C1orf87: variants seen among roughly 807,000 people sequenced by gnomAD.
C1orf87 encodes uncharacterized protein C1orf87.
Under a neutral mutation model 60.5 loss-of-function variants are expected in C1orf87, and 58 were observed. That is an observed-to-expected ratio of 0.96 (90% CI 0.78 to 1.19). C1orf87 has a LOEUF of 1.19. Among genes scored for constraint, C1orf87 ranks in the 50% most tolerant of loss-of-function variants. The pLI is 0.00. For missense variants in C1orf87, 673 were observed against 638.6 expected (o/e 1.05, Z -0.58); for synonymous variants, 236 against 227.4 (o/e 1.04, Z -0.34).
chr1:60,025,262 C>A (rs1389659330), intron 8 of C1orf87, 139 bp downstream of exon 8: 2 of 607,616 alleles, frequency 3.3e-6, no homozygotes, highest in African/African-American at 1.9e-5. Flanking sequence ...GGGGTTTCAC[C>A]TTTATGACAT....
rs1466530480 is a variant in C1orf87 at position 59,990,582 on chromosome 1, C to G, written c.*91G>C. On this transcript the variant is annotated 3_prime_UTR_variant, in exon 12 of 12. Coordinates refer to ENST00000371201, the MANE Select transcript of C1orf87 (RefSeq NM_152377.3). ...GCATCGGCCTCCACTCTGACAATGC[C>G]TCCGCCACTACACTTAGGCTGGGGA... 11 of 1,478,344 alleles carry G rather than the reference C, an allele frequency of 7.4e-6. No homozygotes were observed. The Admixed American group carries it at 2.0e-4, about 27-fold the overall frequency. 91.6% of individuals were successfully genotyped at this position (1,478,344 alleles called of 1,614,324 possible). A position where few individuals can be genotyped will look rare whatever the true frequency, so the allele number is the denominator to read the frequency against.
chr1:60,055,483 C>T, intron 2 of C1orf87, 45 bp from the exon 3 acceptor site: 1 of 1,524,988 alleles, frequency 6.6e-7, no homozygotes, highest in African/African-American at 1.4e-5. Context: ...AGGCAGACTC[C>T]TCATACACTA....
At chr1:59,996,777 T>C (rs1201881288) in intron 11 of C1orf87, among the ~76,000 whole-genome samples, 1 of 152,188 alleles carries the variant, frequency 6.6e-6, no homozygotes, top group African/African-American at 2.4e-5. Flanking sequence ...GAGCATACTC[T>C]AACAACATTT....
chr1:60,072,559 A>T lies in C1orf87; in HGVS notation c.85T>A (p.Tyr29Asn), dbSNP rs745802397. The T allele has an allele frequency of 5.6e-6, 9 of 1,612,364 alleles. No individual in the cohort carries two copies. Among genetic ancestry groups the T allele is most frequent in the Non-Finnish European group, 7.6e-6 (9 of 1,179,580 alleles). The change falls in exon 2 of 12, where the codon TAC (tyrosine) becomes AAC (asparagine). Residue 29 changes from tyrosine to asparagine, a missense_variant. Tyr to Asn is a moderately radical substitution (Grantham distance 143). Coordinates refer to ENST00000371201, the MANE Select transcript of C1orf87 (RefSeq NM_152377.3). ...VKIIGSKHFQ[Y>N]LVEKPKIKEN... is the part of the protein sequence containing the mutation. Reference sequence around the variant, plus strand: ...TACATCTTTGGCTTCTCCACGAGGTATTGAAAGTGTTTACTTCCAATGATT... The same window carrying T: ...TACATCTTTGGCTTCTCCACGAGGTTTTGAAAGTGTTTACTTCCAATGATT...
At chr1:60,019,247 G>A (rs150491315) in intron 8 of C1orf87, among the ~76,000 whole-genome samples, 19 of 152,206 alleles carry the variant, frequency 1.2e-4, no homozygotes, top group East Asian at 9.7e-4. Flanking sequence ...AGTGTGGCAC[G>A]TCCCCCTCAC....
At chr1:60,026,107 C>T (rs556422842) in intron 7 of C1orf87, among the ~76,000 whole-genome samples, 2 of 152,226 alleles carry the variant, frequency 1.3e-5, no homozygotes, top group South Asian at 2.1e-4. Flanking sequence ...TGAACTAGTA[C>T]AAACCAGTTC....
At chr1:59,999,560 C>T (rs753362537) in intron 10 of C1orf87, among the ~76,000 whole-genome samples, 2 of 151,968 alleles carry the variant, frequency 1.3e-5, no homozygotes, top group African/African-American at 4.8e-5. Flanking sequence ...TCTCTTTGAC[C>T]ACTGAAGACA....
rs370981893 is a variant in C1orf87, at chr1:59,992,319, G to A, written c.1481-1486C>T. On this transcript the variant is annotated intron_variant, in intron 11 of 11. Coordinates refer to ENST00000371201, the MANE Select transcript of C1orf87 (RefSeq NM_152377.3). ...TGCCTAGGCTGGAGTACAGAGGCAC[G>A]ATCATGGCTCACTGTAGCCTTGATC... Among the ~76,000 whole-genome samples the A allele has an allele frequency of 7.2e-5, 11 of 151,940 alleles. No homozygotes were observed. In the East Asian group the frequency reaches 2.1e-3, roughly 29 times the overall value.
chr1:60,033,754 A>C (rs1645256149), intron 6 of C1orf87, 113 bp from the exon 7 acceptor site: 2 of 1,213,996 alleles, frequency 1.6e-6, no homozygotes, highest in South Asian at 3.2e-5. Context: ...CAGAGAGCCC[A>C]TCTACGTAGG....
Position 60,038,075 on chromosome 1 carries a change from G to C in C1orf87, c.780C>G (p.Asn260Lys), listed in dbSNP as rs756840173. ...GCTGTGGATAATCTGATGCTGCACT[G>C]TTTAAAAACCAGAGTAGCTTTTCAT... ...VNYEKLLWFLNSAASDYPQQN... is the reference protein window; with the variant it reads ...VNYEKLLWFLKSAASDYPQQN... Residue 260 changes from asparagine (N) to lysine (K), a missense_variant, in exon 6 of 12, where the codon AAC (asparagine) becomes AAG (lysine). By Grantham distance (94) the Asn-to-Lys change is moderately conservative (BLOSUM62 0). Transcript: ENST00000371201. 6.9e-6 allele frequency: 11 copies of C among 1,583,010 alleles called. No homozygotes were observed. The highest frequency in any genetic ancestry group is 9.5e-6 in the Non-Finnish European group (11 of 1,157,502).
chr1:60,041,830 G>T (rs1169426540), intron 3 of C1orf87, among the ~76,000 whole-genome samples: 2 of 152,128 alleles, frequency 1.3e-5, no homozygotes, highest in East Asian at 3.9e-4. Flanking sequence ...CAAACCCCCA[G>T]ATACCTCCTT....
Position 60,040,147 on chromosome 1 carries a change from C to A in C1orf87, c.517G>T (p.Glu173Ter). 6.2e-7 allele frequency: 1 copy of A among 1,613,874 alleles called. No homozygotes were observed. The highest frequency in any genetic ancestry group is 1.3e-5 in the African/African-American group (1 of 74,968). ...IGQSPSGTTN[E>*]DAFLLALVRR... ...ACCAGGGCAAGAAGAAAAGCGTCTTCATTTGTTGTCCCACTTGGGCTCTGG... is the reference window on the plus strand; with the variant it reads ...ACCAGGGCAAGAAGAAAAGCGTCTTAATTTGTTGTCCCACTTGGGCTCTGG... The change falls in exon 5 of 12, where the codon GAA (glutamate) becomes TAA (stop). Residue 173 changes from glutamate (E) to a stop codon, truncating the protein, a stop_gained. Coordinates refer to ENST00000371201, the MANE Select transcript of C1orf87 (RefSeq NM_152377.3). LOFTEE classifies it high-confidence loss of function.
intron 8 of C1orf87, among the ~76,000 whole-genome samples, chr1:60,021,612 A>T (rs139623908): frequency 4.6e-4 from 70 of 152,326 alleles, no homozygotes; most frequent in African/African-American, 1.5e-3. Flanking sequence ...ATAAATATTT[A>T]TTGAGAACCT....
chr1:60,048,090 A>T (rs987372149), intron 3 of C1orf87, among the ~76,000 whole-genome samples: 1 of 152,180 alleles, frequency 6.6e-6, no homozygotes, highest in African/African-American at 2.4e-5. Flanking sequence ...CTATGTGACC[A>T]GTGGAATACT....
At chr1:60,058,087 A>G (rs1053865691) in intron 2 of C1orf87, among the ~76,000 whole-genome samples, 1 of 152,228 alleles carries the variant, frequency 6.6e-6, no homozygotes, top group Non-Finnish European at 1.5e-5. Context: ...GAGAGAAGAC[A>G]TATATGTTCC....
chr1:60,046,446 T>C (rs1423175213), intron 3 of C1orf87, among the ~76,000 whole-genome samples: 10 of 138,280 alleles, frequency 7.2e-5, no homozygotes, highest in South Asian at 2.3e-4. Flanking sequence ...TCTTCTTCTT[T>C]TTTTTTTTTT....
At chr1:60,061,264 G>T (rs1459819647) in intron 2 of C1orf87, among the ~76,000 whole-genome samples, 1 of 152,018 alleles carries the variant, frequency 6.6e-6, no homozygotes, top group Non-Finnish European at 1.5e-5. Flanking sequence ...GAAACTAAAG[G>T]TGGCCAAATA....
chr1:60,064,089 T>A (rs1211597614), intron 2 of C1orf87, among the ~76,000 whole-genome samples: 3 of 151,632 alleles, frequency 2.0e-5, no homozygotes, highest in Non-Finnish European at 4.4e-5. Context: ...CCAGCCTACA[T>A]CTTTCTCCTG....
chr1:60,033,394 A>C, intron 7 of C1orf87, 82 bp downstream of exon 7: 1 of 1,295,080 alleles, frequency 7.7e-7, no homozygotes, highest in Non-Finnish European at 1.1e-6. Flanking sequence ...AATATGGATC[A>C]GCCCTGTGCC....
Sources: allele counts gnomAD v4.1 joint callset (sites outside exome capture counted in the v4.1 genomes callset), GRCh38; gene constraint gnomAD v4.1.1; transcripts MANE v1.5; gene names NCBI Gene and HGNC (gene_info 2026-07-23, HGNC 2026-07-21).